CDH13: variants seen among roughly 807,000 people sequenced by gnomAD.
The protein encoded by CDH13 is cadherin 13.
A neutral mutation model predicts 63.8 loss-of-function variants in CDH13; 24 were observed. The observed-to-expected ratio is 0.38, with a 90% CI of 0.27 to 0.53. The LOEUF (loss-of-function observed/expected upper bound fraction) is 0.53, where lower values mean the gene tolerates loss of function less well. CDH13 is among the 20% of genes least tolerant of loss of function. The pLI is 0.85. For missense variants in CDH13, 1,049 were observed against 903.1 expected (o/e 1.16, Z -2.07); for synonymous variants, 503 against 355.3 (o/e 1.42, Z -4.67).
intron 6 of CDH13, among the ~76,000 whole-genome samples, chr16:83,478,182 G>T (rs575192776): frequency 6.8e-6 from 1 of 147,264 alleles, no homozygotes; most frequent in Admixed American, 6.7e-5. Flanking sequence ...AACATCAAAA[G>T]ATCTGGCTAG....
At chr16:83,321,525 A>ATTTTTTTTT (rs10672316) in intron 5 of CDH13, among the ~76,000 whole-genome samples, 4 of 103,650 alleles carry the variant, frequency 3.9e-5, no homozygotes, top group African/African-American at 7.8e-5. Context: ...GAAATCTGGA[A>ATTTTTTTTT]TTTTTTTTTT....
chr16:82,709,219 C>A (rs1365230875), intron 1 of CDH13, among the ~76,000 whole-genome samples: 3 of 152,182 alleles, frequency 2.0e-5, no homozygotes, highest in African/African-American at 4.8e-5. Flanking sequence ...CAAGTCTGGC[C>A]AGCTCCCACT....
intron 3 of CDH13, among the ~76,000 whole-genome samples, chr16:83,051,096 G>C (rs1012249299): frequency 1.3e-5 from 2 of 152,136 alleles, no homozygotes; most frequent in African/African-American, 4.8e-5. Context: ...CTGCGTGCCT[G>C]TTACTATCTA....
chr16:83,458,953 C>T (rs971775633), intron 6 of CDH13, among the ~76,000 whole-genome samples: 1 of 152,236 alleles, frequency 6.6e-6, no homozygotes, highest in Non-Finnish European at 1.5e-5. Context: ...AAAGCAGTGT[C>T]TATTTACAGA....
intron 11 of CDH13, among the ~76,000 whole-genome samples, chr16:83,766,952 T>C (rs1326613021): frequency 1.3e-5 from 2 of 152,182 alleles, no homozygotes; most frequent in African/African-American, 4.8e-5. Flanking sequence ...CTCCTTGTCT[T>C]CTGCCATGAT....
intron 5 of CDH13, among the ~76,000 whole-genome samples, chr16:83,259,381 G>A (rs1421554568): frequency 6.6e-6 from 1 of 152,124 alleles, no homozygotes; most frequent in African/African-American, 2.4e-5. Flanking sequence ...GGTGCTGCTT[G>A]GAAAGTCTGT....
chr16:82,872,207 T>C (rs560465971), intron 2 of CDH13, among the ~76,000 whole-genome samples: 1 of 152,258 alleles, frequency 6.6e-6, no homozygotes, highest in Non-Finnish European at 1.5e-5. Flanking sequence ...TACACACAAA[T>C]GGAAATGTTT....
chr16:83,717,427 C>T (rs551285916), intron 10 of CDH13, among the ~76,000 whole-genome samples: 15 of 152,332 alleles, frequency 9.8e-5, no homozygotes, highest in South Asian at 4.1e-4. Flanking sequence ...GTTCACCGCA[C>T]GTGAAAGTCC....
At chr16:83,139,146 C>A (rs917393960) in intron 4 of CDH13, among the ~76,000 whole-genome samples, 40 of 152,112 alleles carry the variant, frequency 2.6e-4, no homozygotes, top group African/African-American at 9.7e-4. Flanking sequence ...ACAGATCCAC[C>A]TGCGTGCTGT....
At chr16:83,567,273 G>T (rs748639465) in intron 7 of CDH13, among the ~76,000 whole-genome samples, 3 of 152,192 alleles carry the variant, frequency 2.0e-5, no homozygotes, top group Non-Finnish European at 4.4e-5. Flanking sequence ...GTCTGTAGAA[G>T]AAAAGGCCAT....
At chr16:83,745,356 C>G (rs1212724790) in intron 10 of CDH13, among the ~76,000 whole-genome samples, 1 of 152,138 alleles carries the variant, frequency 6.6e-6, no homozygotes, top group Non-Finnish European at 1.5e-5. Context: ...GACCCCAACA[C>G]AAAAAGGATT....
At chr16:83,660,505 T>C (rs1297110020) in intron 8 of CDH13, among the ~76,000 whole-genome samples, 1 of 152,170 alleles carries the variant, frequency 6.6e-6, no homozygotes, top group Non-Finnish European at 1.5e-5. Context: ...TAAATACAGA[T>C]GAAGTTTCAC....
intron 8 of CDH13, among the ~76,000 whole-genome samples, chr16:83,649,810 A>C (rs1299252934): frequency 6.6e-6 from 1 of 152,156 alleles, no homozygotes; most frequent in Non-Finnish European, 1.5e-5. Flanking sequence ...TCTAGAGCCC[A>C]CTTTGCAGCT....
chr16:83,739,005 C>A (rs1911805406), intron 10 of CDH13, among the ~76,000 whole-genome samples: 1 of 152,122 alleles, frequency 6.6e-6, no homozygotes, highest in Admixed American at 6.5e-5. Context: ...TGATCATGGA[C>A]TATGCAAAAA....
At chr16:83,107,139 C>G (rs953732216) in intron 3 of CDH13, among the ~76,000 whole-genome samples, 5 of 152,048 alleles carry the variant, frequency 3.3e-5, no homozygotes, top group African/African-American at 9.7e-5. Flanking sequence ...GAAGAGTTTC[C>G]TACATTAGGT....
At chr16:82,726,333 CAAGAAGATACATAT>C (rs2033092885) in intron 1 of CDH13, among the ~76,000 whole-genome samples, 1 of 152,154 alleles carries the variant, frequency 6.6e-6, no homozygotes, top group Non-Finnish European at 1.5e-5. Context: ...ATAAAAGCAG[CAAGAAGATACATAT>C]AAGTGAGGAT....
intron 4 of CDH13, among the ~76,000 whole-genome samples, chr16:83,137,065 A>AG (rs1022250490): frequency 2.0e-5 from 3 of 152,170 alleles, no homozygotes; most frequent in Non-Finnish European, 4.4e-5. Context: ...GGAAGGGGTC[A>AG]GGGGGCACAT....
At chr16:83,045,219 G>A (rs958444182) in intron 3 of CDH13, among the ~76,000 whole-genome samples, 1 of 152,178 alleles carries the variant, frequency 6.6e-6, no homozygotes, top group South Asian at 2.1e-4. Context: ...TTTTAGGCAA[G>A]TAGACAAGTC....
chr16:83,589,586 T>A (rs187118137), intron 7 of CDH13, among the ~76,000 whole-genome samples: 5 of 151,872 alleles, frequency 3.3e-5, no homozygotes, highest in South Asian at 2.1e-4. Flanking sequence ...CCATCTTTGA[T>A]AGATGTTTTT....
Sources: gnomAD v4.1 joint callset for allele counts (sites outside exome capture counted in the v4.1 genomes callset) on GRCh38, gnomAD v4.1.1 for gene constraint, MANE v1.5 for transcripts, NCBI Gene and HGNC (gene_info 2026-07-23, HGNC 2026-07-21) for gene names.